The following ERICH3 variants were observed in gnomAD, a reference collection of about 807,000 sequenced individuals.
The protein encoded by ERICH3 is glutamate-rich protein 3.
In ERICH3, 126 loss-of-function variants were observed where a neutral mutation model predicts 131.1. That is an observed-to-expected ratio of 0.96 (90% confidence interval 0.83 to 1.11). The LOEUF (loss-of-function observed/expected upper bound fraction) is 1.11. Among genes scored for constraint, ERICH3 ranks in the 50% most tolerant of loss-of-function variants. The pLI is 0.00. For synonymous variants in ERICH3, 695 were observed against 644.6 expected (o/e 1.08, Z -1.18); for missense variants, 2,050 against 1,810.7 (o/e 1.13, Z -2.40).
chr1:74,672,528 C>T (rs80293362), intron 1 of ERICH3, among the ~76,000 whole-genome samples: 170 of 152,290 alleles, frequency 1.1e-3, no homozygotes, highest in African/African-American at 3.9e-3. Context: ...AGTTCCAACA[C>T]AACGACTAAT....
intron 7 of ERICH3, among the ~76,000 whole-genome samples, chr1:74,628,727 A>T (rs991608554): frequency 1.3e-5 from 2 of 152,056 alleles, no homozygotes; most frequent in African/African-American, 4.8e-5. Context: ...ACACTAAAGA[A>T]AATAAGAAGT....
chr1:74,650,885 TAGAA>T (rs979404186), intron 1 of ERICH3, among the ~76,000 whole-genome samples: 6 of 147,058 alleles, frequency 4.1e-5, no homozygotes, highest in Admixed American at 3.4e-4. Flanking sequence ...TATATACACA[TAGAA>T]AGAGAGAGAG....
At chr1:74,609,070 G>A (rs1294518072) in intron 9 of ERICH3, among the ~76,000 whole-genome samples, 1 of 152,008 alleles carries the variant, frequency 6.6e-6, no homozygotes, top group African/African-American at 2.4e-5. Context: ...ATAATTTGAG[G>A]TGTTGATTAT....
At chr1:74,631,973 G>A (rs753038612) in intron 6 of ERICH3, 45 bp from the exon 7 acceptor site, 5 of 1,534,560 alleles carry the variant, frequency 3.3e-6, no homozygotes, top group Non-Finnish European at 4.5e-6. Context: ...AACAGAATCA[G>A]TGACTCAATG....
intron 1 of ERICH3, among the ~76,000 whole-genome samples, chr1:74,654,757 T>C (rs554771064): frequency 1.3e-5 from 2 of 152,036 alleles, no homozygotes; most frequent in Non-Finnish European, 2.9e-5. Context: ...CAGTCCATAA[T>C]AGAAGATATG....
chr1:74,643,565 G>A (rs567558736), intron 3 of ERICH3, among the ~76,000 whole-genome samples: 10 of 152,166 alleles, frequency 6.6e-5, no homozygotes, highest in Admixed American at 5.9e-4. Context: ...AATGGACAAT[G>A]CACATAATGC....
At chr1:74,591,309 C>T (rs1647590758) in intron 11 of ERICH3, among the ~76,000 whole-genome samples, 1 of 152,178 alleles carries the variant, frequency 6.6e-6, no homozygotes, top group African/African-American at 2.4e-5. Context: ...GGAGATATTT[C>T]AAGCCCCATC....
At chr1:74,649,658 T>C (rs1330393697) in intron 1 of ERICH3, among the ~76,000 whole-genome samples, 2 of 152,108 alleles carry the variant, frequency 1.3e-5, no homozygotes, top group East Asian at 1.9e-4. Context: ...GGGCTTCACA[T>C]TGGAGGCCTG....
chr1:74,570,362 A>C lies in ERICH3; in HGVS notation c.*96T>G, dbSNP rs1557651041. 1 of 152,232 alleles carries C rather than the reference A, an allele frequency of 6.6e-6. No homozygotes were observed. The highest frequency in any genetic ancestry group is 1.5e-5 in the Non-Finnish European group (1 of 68,044). 9.4% of individuals were successfully genotyped at this position (152,232 alleles called of 1,614,324 possible). A position where few individuals can be genotyped will look rare whatever the true frequency, so the allele number is the denominator to read the frequency against. On this transcript the variant is annotated 3_prime_UTR_variant, in exon 15 of 15. Coordinates refer to ENST00000326665, the MANE Select transcript of ERICH3 (RefSeq NM_001002912.5). ...CCAGCAACTAAAGAGGAGAGAGAGA[A>C]AATCAAGAATCCTGGTGAGATGCTT...
rs377299628 is a variant in ERICH3, at chr1:74,572,588, T to G, written c.3122A>C (p.Asn1041Thr). 5.6e-6 allele frequency: 9 copies of G among 1,613,944 alleles called. No homozygotes were observed. The African/African-American group carries it at 1.2e-4, about 22-fold the overall frequency. ...AATTTCTTTCCTATCATCTTCCCTA[T>G]TAGCTTCTGCCTCAGTCACCATCTC... Reference protein sequence around the residue: ...GEEMVTEAEANREDDRKEILP... With the variant: ...GEEMVTEAEATREDDRKEILP... The change falls in exon 14 of 15, where the codon AAT (asparagine) becomes ACT (threonine). Residue 1041 changes from asparagine to threonine, a missense_variant. By Grantham distance (65) the Asn-to-Thr change is moderately conservative. Transcript: ENST00000326665.
intron 5 of ERICH3, among the ~76,000 whole-genome samples, chr1:74,640,559 T>C (rs1270018773): frequency 1.3e-5 from 2 of 152,126 alleles, no homozygotes; most frequent in Non-Finnish European, 2.9e-5. Context: ...AATAAAGACA[T>C]AATCAAGCAA....
chr1:74,603,949 G>A (rs1648267668), intron 10 of ERICH3, among the ~76,000 whole-genome samples: 1 of 151,856 alleles, frequency 6.6e-6, no homozygotes, highest in East Asian at 1.9e-4. Context: ...AATAAAGTTT[G>A]CCACATCTAT....
At chr1:74,573,851 C>T (rs1302892172) in intron 13 of ERICH3, among the ~76,000 whole-genome samples, 1 of 152,136 alleles carries the variant, frequency 6.6e-6, no homozygotes, top group Non-Finnish European at 1.5e-5. Flanking sequence ...TTTCTCTTGG[C>T]TTCCTCTTTC....
chr1:74,579,723 C>T lies in ERICH3; in HGVS notation c.2177-2787G>A, dbSNP rs1342976027. On this transcript the variant is annotated intron_variant, in intron 12 of 14. Coordinates refer to ENST00000326665, the MANE Select transcript of ERICH3 (RefSeq NM_001002912.5). ...CCATAGTAAAAGAGGACTGTGCATG[C>T]TGAGACTCCCATTTCAGCAATGTGA... The T allele has an allele frequency of 3.0e-6, 3 of 985,212 alleles. No homozygotes were observed. In the East Asian group the frequency reaches 3.4e-4, roughly 112 times the overall value. 61.0% of individuals were successfully genotyped at this position (985,212 alleles called of 1,614,324 possible).
chr1:74,607,416 C>T lies in ERICH3; in HGVS notation c.1188-514G>A, dbSNP rs547060553. Among the ~76,000 whole-genome samples, 4 of 152,012 alleles carry T rather than the reference C, an allele frequency of 2.6e-5. No homozygotes were observed. In the South Asian group the frequency reaches 8.3e-4, roughly 32 times the overall value. The stretch of plus-strand genomic sequence containing the variant: ...AGTCTGATAAGTTATATTTTAACAA[C>T]ACAACAACAGTAACAAAAGACTTAC... On this transcript the variant is annotated intron_variant, in intron 9 of 14. Transcript: ENST00000326665.
chr1:74,661,518 A>G (rs1007756973), intron 1 of ERICH3, among the ~76,000 whole-genome samples: 2 of 152,190 alleles, frequency 1.3e-5, no homozygotes, highest in Non-Finnish European at 2.9e-5. Flanking sequence ...TTGTCCATTT[A>G]AAAGAAATTA....
chr1:74,659,322 G>A (rs74095105), intron 1 of ERICH3, among the ~76,000 whole-genome samples: 2 of 87,344 alleles, frequency 2.3e-5, no homozygotes, highest in African/African-American at 4.8e-5. Context: ...TTGCACAGGC[G>A]CATGTGTGTG....
intron 11 of ERICH3, among the ~76,000 whole-genome samples, chr1:74,598,460 A>C (rs1234480131): frequency 1.3e-5 from 2 of 151,904 alleles, no homozygotes; most frequent in Non-Finnish European, 2.9e-5. Context: ...AGATAAATAG[A>C]TTAGAGTAAT....
Position 74,572,683 on chromosome 1 carries a change from C to A in ERICH3, c.3027G>T (p.Ser1009=). The A allele has an allele frequency of 1.2e-6, 2 of 1,613,714 alleles. No homozygotes were observed. Among genetic ancestry groups the A allele is most frequent in the Non-Finnish European group, 1.7e-6 (2 of 1,179,930 alleles). The change falls in exon 14 of 15, where the codon TCG becomes TCT. Residue 1009 remains serine (S), a synonymous_variant. Transcript: ENST00000326665. ...GEAEASRMQV[S]EGSPEEGSLA... is the part of the protein sequence containing the mutation. ...GGCTTCCTTCCTCAGGGCTGCCCTC[C>A]GAAACCTGCATCCGGCTTGCCTCTG...
Sources: gnomAD v4.1 joint callset for allele counts (sites outside exome capture counted in the v4.1 genomes callset) on GRCh38, gnomAD v4.1.1 for gene constraint, MANE v1.5 for transcripts, NCBI Gene and HGNC (gene_info 2026-07-23, HGNC 2026-07-21) for gene names.